Variants in UTRN observed in about 807,000 individuals in gnomAD.
UTRN encodes utrophin.
UTRN carries 283 observed loss-of-function variants against 463.9 expected under a neutral mutation model. The observed-to-expected ratio is 0.61, with a 90% CI of 0.55 to 0.67. The LOEUF is 0.67. Among genes scored for constraint, UTRN ranks in the 30% least tolerant of loss-of-function variants. The pLI is 0.00. For synonymous variants in UTRN, 1,442 were observed against 1,431.5 expected (o/e 1.01, Z -0.17); for missense variants, 3,922 against 4,084.3 (o/e 0.96, Z 1.08).
intron 51 of UTRN, among the ~76,000 whole-genome samples, chr6:144,632,018 G>A (rs1776581603): frequency 1.3e-5 from 2 of 152,170 alleles, no homozygotes; most frequent in African/African-American, 2.4e-5. Flanking sequence ...GGAAGCGCCA[G>A]GGTCCATCAA....
At chr6:144,433,366 A>ACC (rs1427929139) in intron 9 of UTRN, among the ~76,000 whole-genome samples, 2 of 131,600 alleles carry the variant, frequency 1.5e-5, no homozygotes, top group Non-Finnish European at 3.3e-5. Context: ...GCGGGGGCTG[A>ACC]CCCCCACCTC....
chr6:144,475,282 A>G (rs1272222771), intron 25 of UTRN, among the ~76,000 whole-genome samples: 1 of 152,226 alleles, frequency 6.6e-6, no homozygotes, highest in African/African-American at 2.4e-5. Context: ...TGAATAAAGA[A>G]CTGAGTAAAG....
At chr6:144,523,363 G>A (rs1452611025) in intron 41 of UTRN, among the ~76,000 whole-genome samples, 175 bp downstream of exon 41, 1 of 152,126 alleles carries the variant, frequency 6.6e-6, no homozygotes, top group African/African-American at 2.4e-5. Context: ...AGGCTGGGGT[G>A]CAGTGGCATG....
At chr6:144,761,535 A>AGTC (rs1269295130) in intron 58 of UTRN, among the ~76,000 whole-genome samples, 30 of 152,214 alleles carry the variant, frequency 2.0e-4, no homozygotes, top group African/African-American at 7.2e-4. Context: ...TAGTCCCAGC[A>AGTC]GTCAGGAGGC....
At chr6:144,656,582 A>G (rs1779333762) in intron 51 of UTRN, among the ~76,000 whole-genome samples, 2 of 152,132 alleles carry the variant, frequency 1.3e-5, no homozygotes, top group Admixed American at 1.3e-4. Flanking sequence ...TGGGTAATGG[A>G]AAGTACACTT....
chr6:144,500,711 G>T (rs1477276788), intron 34 of UTRN, among the ~76,000 whole-genome samples: 1 of 152,114 alleles, frequency 6.6e-6, no homozygotes, highest in African/African-American at 2.4e-5. Flanking sequence ...AAGAACTTAG[G>T]AATAGAATTT....
At chr6:144,507,480 G>A (rs1031237252) in intron 34 of UTRN, among the ~76,000 whole-genome samples, 2 of 152,078 alleles carry the variant, frequency 1.3e-5, no homozygotes, top group Admixed American at 6.5e-5. Context: ...TGATGTTAAT[G>A]TTGTTGCTTT....
chr6:144,453,208 T>G lies in UTRN; in HGVS notation c.2197-574T>G, dbSNP rs575570105. On this transcript the variant is annotated intron_variant, in intron 18 of 74. Coordinates refer to ENST00000367545, the MANE Select transcript of UTRN (RefSeq NM_007124.3). ...TGCAATCTCGGCTCCCTGCAACCTC[T>G]GCCTCCCGGGTTCAAGCAATTCTCA... Among the ~76,000 whole-genome samples the G allele has an allele frequency of 1.9e-3, 294 of 152,178 alleles. 1 individual carries two copies. The highest frequency in any genetic ancestry group is 6.8e-3 in the African/African-American group (282 of 41,534).
Position 144,840,757 on chromosome 6 carries a change from G to T in UTRN, c.10195G>T (p.Ala3399Ser), listed in dbSNP as rs1196425903. The T allele has an allele frequency of 8.7e-6, 14 of 1,613,858 alleles. No individual in the cohort carries two copies. The highest frequency in any genetic ancestry group is 1.2e-5 in the Non-Finnish European group (14 of 1,179,938). The stretch of plus-strand genomic sequence containing the variant: ...TGTCACAGCGGGAGAGGACCTGCTG[G>T]CCCCACCGCACGACACCAGCACGGA... ...FHQAAGEDLL[A>S]PPHDTSTDLT... The change falls in exon 73 of 75, where the codon GCC becomes TCC. Residue 3399 changes from alanine (A) to serine (S), a missense_variant. By Grantham distance (99) the Ala-to-Ser change is moderately conservative. Coordinates refer to ENST00000367545, the MANE Select transcript of UTRN (RefSeq NM_007124.3).
intron 51 of UTRN, among the ~76,000 whole-genome samples, chr6:144,658,453 A>G (rs1779542106): frequency 6.6e-6 from 1 of 152,228 alleles, no homozygotes. Context: ...GGAATCTCTT[A>G]CGACCCATGA....
At chr6:144,653,585 TA>T (rs77314155) in intron 51 of UTRN, among the ~76,000 whole-genome samples, 4,927 of 134,822 alleles carry the variant, frequency 0.037, 171 homozygotes, top group African/African-American at 0.1. Flanking sequence ...GACTCCATCT[TA>T]AAAAAAAAAA....
chr6:144,562,989 T>C (rs1800071689), intron 50 of UTRN, among the ~76,000 whole-genome samples: 1 of 152,188 alleles, frequency 6.6e-6, no homozygotes, highest in Non-Finnish European at 1.5e-5. Context: ...TTTGGTCACA[T>C]AAATGTCCTC....
intron 32 of UTRN, 47 bp from the exon 33 acceptor site, chr6:144,493,254 T>C (rs374570597): frequency 6.3e-7 from 1 of 1,594,542 alleles, no homozygotes; most frequent in Non-Finnish European, 8.6e-7. Flanking sequence ...AGTTGGCAAG[T>C]TGTCACCACA....
intron 51 of UTRN, among the ~76,000 whole-genome samples, chr6:144,677,648 T>A (rs951315870): frequency 6.6e-6 from 1 of 152,200 alleles, no homozygotes; most frequent in Admixed American, 6.5e-5. Context: ...GGATTCTGGG[T>A]CAAATGGTAT....
chr6:144,339,858 T>C (rs1382847145), intron 2 of UTRN, among the ~76,000 whole-genome samples: 1 of 152,200 alleles, frequency 6.6e-6, no homozygotes, highest in Non-Finnish European at 1.5e-5. Context: ...TGCTTGACTG[T>C]AGCGTAATCA....
intron 52 of UTRN, among the ~76,000 whole-genome samples, chr6:144,688,000 C>T (rs543355646): frequency 2.6e-5 from 4 of 152,190 alleles, no homozygotes; most frequent in South Asian, 4.2e-4. Flanking sequence ...TTAGATTTGG[C>T]CCTTTTACAT....
At chr6:144,447,346 G>A (rs1444826614) in intron 15 of UTRN, 28 bp downstream of exon 15, 2 of 1,596,392 alleles carry the variant, frequency 1.3e-6, no homozygotes, top group Admixed American at 3.4e-5. Flanking sequence ...CAGCATCTGT[G>A]TTGTAAGCCT....
chr6:144,730,511 C>T, intron 54 of UTRN, 25 bp downstream of exon 54: 1 of 1,574,956 alleles, frequency 6.3e-7, no homozygotes, highest in South Asian at 1.2e-5. Flanking sequence ...TCCACTACAT[C>T]ATAAAAACAC....
chr6:144,621,900 C>T (rs1011971363), intron 51 of UTRN, among the ~76,000 whole-genome samples: 4 of 151,880 alleles, frequency 2.6e-5, no homozygotes, highest in Non-Finnish European at 4.4e-5. Flanking sequence ...TGTCCTTTTC[C>T]ACCTCCTCTT....
Sources: allele counts gnomAD v4.1 joint callset (sites outside exome capture counted in the v4.1 genomes callset), GRCh38; gene constraint gnomAD v4.1.1; transcripts MANE v1.5; gene names NCBI Gene and HGNC (gene_info 2026-07-23, HGNC 2026-07-21).